The following RPP40 variants were observed in gnomAD, a reference collection of about 807,000 sequenced individuals.
The protein encoded by RPP40 is ribonuclease P protein subunit p40.
Under a neutral mutation model 42.5 loss-of-function variants are expected in RPP40, and 30 were observed. That is an observed-to-expected ratio of 0.71 (90% CI 0.53 to 0.96). RPP40 has a LOEUF of 0.96. RPP40 is among the 40% of genes least tolerant of loss of function. RPP40 has a pLI of 0.00. For missense variants in RPP40, 426 were observed against 433.5 expected (o/e 0.98, Z 0.15); for synonymous variants, 173 against 164.0 (o/e 1.05, Z -0.42).
chr6:4,994,988 C>G lies in RPP40; in HGVS notation c.*90G>C. The G allele has an allele frequency of 8.8e-7, 1 of 1,139,326 alleles. No homozygotes were observed. The highest frequency in any genetic ancestry group is 1.2e-6 in the Non-Finnish European group (1 of 801,952). The allele number at this position is 1,139,326 out of a possible 1,614,324, so 70.6% of individuals were successfully genotyped here. A position where few individuals can be genotyped will look rare whatever the true frequency, so the allele number is the denominator to read the frequency against. On this transcript the variant is annotated 3_prime_UTR_variant, in exon 8 of 8. Transcript: ENST00000380051. ...TGATCTGAGAAATGTCACCATCACA[C>G]AAGCCTGAGTGGACACACAGACCTT...
At chr6:5,002,455 G>A (rs78119348) in intron 1 of RPP40, among the ~76,000 whole-genome samples, 3,651 of 152,220 alleles carry the variant, frequency 0.024, 143 homozygotes, top group African/African-American at 0.084. Flanking sequence ...GCATTCAAAC[G>A]TACAGTACAG....
At chr6:5,003,723 C>T in intron 1 of RPP40, 157 bp downstream of exon 1, 1 of 906,196 alleles carries the variant, frequency 1.1e-6, no homozygotes, top group Non-Finnish European at 1.6e-6. Flanking sequence ...TGGCTTAGAG[C>T]AGTTAAGAGA....
In RPP40 at chr6:4,994,863, T is replaced by C. The variant is rs537036486; in HGVS notation, c.*215A>G. Reference sequence around the variant, plus strand: ...ATAGTAACCCACAACCCTGTGCTTATGTTGACAGAGAGAAATCAACTATGA... The same window carrying C: ...ATAGTAACCCACAACCCTGTGCTTACGTTGACAGAGAGAAATCAACTATGA... On this transcript the variant is annotated 3_prime_UTR_variant, in exon 8 of 8. Transcript: ENST00000380051. 1.8e-6 allele frequency: 1 copy of C among 567,386 alleles called. No homozygotes were observed. The highest frequency in any genetic ancestry group is 2.8e-5 in the East Asian group (1 of 35,142). The allele number at this position is 567,386 out of a possible 1,614,324, so 35.1% of individuals were successfully genotyped here.
chr6:4,989,937 G>T (rs1379376155), downstream of RPP40, among the ~76,000 whole-genome samples: 1 of 152,112 alleles, frequency 6.6e-6, no homozygotes, highest in Non-Finnish European at 1.5e-5. Flanking sequence ...TTTGTTCTCT[G>T]ATTGCACAGT....
intron 3 of RPP40, among the ~76,000 whole-genome samples, chr6:5,000,205 T>C (rs1759507234): frequency 6.6e-6 from 1 of 152,270 alleles, no homozygotes; most frequent in Non-Finnish European, 1.5e-5. Flanking sequence ...TCTTTTTTTT[T>C]TTCAGACAAT....
chr6:5,003,604 ACAC>A, intron 1 of RPP40: 1 of 337,274 alleles, frequency 3.0e-6, no homozygotes, highest in East Asian at 5.0e-5. Context: ...CGGCGGGTTG[ACAC>A]GAGTGAGCAG....
Position 5,003,991 on chromosome 6 carries a change from C to G in RPP40, c.12G>C (p.Leu4=), listed in dbSNP as rs765191920. The part of the protein sequence containing the change: MAT[L]RRLREAPRHL... ...GCCGCGGCGCCTCCCGAAGCCGGCG[C>G]AGCGTGGCCATGCTCTCCTGGGTTC... The change falls in exon 1 of 8, where the codon CTG becomes CTC. Residue 4 remains leucine (L), a synonymous_variant. Transcript: ENST00000380051. The G allele has an allele frequency of 1.2e-6, 2 of 1,609,766 alleles. No homozygotes were observed. Among genetic ancestry groups the G allele is most frequent in the Non-Finnish European group, 1.7e-6 (2 of 1,178,492 alleles).
chr6:4,991,076 T>A (rs1053896227), downstream of RPP40, among the ~76,000 whole-genome samples: 4 of 152,108 alleles, frequency 2.6e-5, no homozygotes, highest in Non-Finnish European at 5.9e-5. Context: ...TTTCTCAATT[T>A]AAAAAAATTT....
At chr6:4,996,123 T>A in intron 6 of RPP40, 38 bp from the exon 7 acceptor site, 1 of 1,610,476 alleles carries the variant, frequency 6.2e-7, no homozygotes, top group Non-Finnish European at 8.5e-7. Flanking sequence ...AGATAACACA[T>A]GTATATCCAT....
chr6:4,990,778 G>T (rs1213970642), downstream of RPP40, among the ~76,000 whole-genome samples: 1 of 151,574 alleles, frequency 6.6e-6, no homozygotes, highest in African/African-American at 2.4e-5. Flanking sequence ...ACCACGCCTA[G>T]CCCTAGATTT....
In RPP40 at chr6:4,995,977, C is replaced by A; in HGVS notation, c.867G>T (p.Lys289Asn). 6.2e-7 allele frequency: 1 copy of A among 1,614,114 alleles called. No homozygotes were observed. Among genetic ancestry groups the A allele is most frequent in the Non-Finnish European group, 8.5e-7 (1 of 1,180,010 alleles). The change falls in exon 7 of 8, where the codon AAG (lysine) becomes AAT (asparagine). Residue 289 changes from lysine to asparagine, a missense_variant. Transcript: ENST00000380051. ...AGAGATGTTCCAATAGGAGACAGAT[C>A]TTCTCTGGAAGTATGAAGCCAGTGA... is the stretch of plus-strand genomic sequence containing the variant. The part of the protein sequence containing the change: ...CTITGFILPE[K>N]ICLLLEHLCH...
chr6:4,998,207 A>G (rs1017921647), intron 5 of RPP40, among the ~76,000 whole-genome samples: 11 of 152,258 alleles, frequency 7.2e-5, no homozygotes, highest in African/African-American at 2.7e-4. Flanking sequence ...TAAAAGGAGC[A>G]ACATACATGG....
At chr6:5,001,426 T>C (rs1759555054) in intron 2 of RPP40, among the ~76,000 whole-genome samples, 1 of 152,182 alleles carries the variant, frequency 6.6e-6, no homozygotes, top group South Asian at 2.1e-4. Flanking sequence ...GAGGAGCTAC[T>C]GGTAACTAGA....
chr6:4,995,243 C>G lies in RPP40; in HGVS notation c.927G>C (p.Trp309Cys). ...HYFDEPKLAP[W>C]VTLSVQGFAD... ...CAAAGCCTTGAACGGACAGTGTAAC[C>G]CATGGAGCTAACTTCGGTTCATCAA... Residue 309 changes from tryptophan to cysteine, a missense_variant, in exon 8 of 8, where the codon TGG (tryptophan) becomes TGC (cysteine). By Grantham distance (215) the Trp-to-Cys change is radical. Transcript: ENST00000380051. The G allele has an allele frequency of 6.2e-7, 1 of 1,613,848 alleles. No individual in the cohort carries two copies. The highest frequency in any genetic ancestry group is 8.5e-7 in the Non-Finnish European group (1 of 1,179,930).
At chr6:5,003,328 C>A (rs1759630705) in intron 1 of RPP40, among the ~76,000 whole-genome samples, 1 of 109,852 alleles carries the variant, frequency 9.1e-6, no homozygotes, top group Non-Finnish European at 1.7e-5. Flanking sequence ...GCCTGGGCGA[C>A]AGAGCGAAAC....
At chr6:5,000,863 CA>C (rs1162630882) in intron 2 of RPP40, among the ~76,000 whole-genome samples, 14 of 123,706 alleles carry the variant, frequency 1.1e-4, no homozygotes, top group South Asian at 2.6e-4. Flanking sequence ...GAAGACCAAG[CA>C]TGCAGAAGAC....
chr6:4,991,093 C>T (rs1386230640), downstream of RPP40, among the ~76,000 whole-genome samples: 1 of 152,110 alleles, frequency 6.6e-6, no homozygotes, highest in African/African-American at 2.4e-5. Flanking sequence ...ATTTCCCCCC[C>T]AAACTCCCCA....
In RPP40 at chr6:4,998,794, T is replaced by G; in HGVS notation, c.481A>C (p.Lys161Gln). The stretch of plus-strand genomic sequence containing the variant: ...AAAGACCAAGATATTCTTTCATACT[T>G]CTTAGAATCCAAGTTTAAGGATAAT... ...MELSLNLDSK[K>Q]YERISWSFKE... Residue 161 changes from lysine to glutamine, a missense_variant, in exon 5 of 8, where the codon AAG becomes CAG. Coordinates refer to ENST00000380051, the MANE Select transcript of RPP40 (RefSeq NM_006638.4). 2 of 1,505,584 alleles carry G rather than the reference T, an allele frequency of 1.3e-6. No individual in the cohort carries two copies. Among genetic ancestry groups the G allele is most frequent in the Non-Finnish European group, 1.8e-6 (2 of 1,103,546 alleles). 93.3% of individuals were successfully genotyped at this position (1,505,584 alleles called of 1,614,324 possible).
chr6:5,002,326 G>T, intron 1 of RPP40, 81 bp from the exon 2 acceptor site: 1 of 1,243,400 alleles, frequency 8.0e-7, no homozygotes, highest in Non-Finnish European at 1.1e-6. Flanking sequence ...ACAAAATCAT[G>T]AAAGTTGTTA....
Sources: allele counts gnomAD v4.1 joint callset (sites outside exome capture counted in the v4.1 genomes callset), GRCh38; gene constraint gnomAD v4.1.1; transcripts MANE v1.5; gene names NCBI Gene and HGNC (gene_info 2026-07-23, HGNC 2026-07-21).